The following MYO1D variants were observed in gnomAD, a reference collection of about 807,000 sequenced individuals.
The protein encoded by MYO1D is unconventional myosin-Id.
A neutral mutation model predicts 122.0 loss-of-function variants in MYO1D; 83 were observed. That is an observed-to-expected ratio of 0.68 (90% CI 0.57 to 0.82). The LOEUF (loss-of-function observed/expected upper bound fraction) is 0.82. Among genes scored for constraint, MYO1D ranks in the 40% least tolerant of loss-of-function variants. The pLI, the probability that MYO1D is intolerant of heterozygous loss-of-function variation, is 0.00. For missense variants in MYO1D, 1,157 were observed against 1,269.5 expected (o/e 0.91, Z 1.35); for synonymous variants, 464 against 446.9 (o/e 1.04, Z -0.48).
intron 21 of MYO1D, among the ~76,000 whole-genome samples, chr17:32,547,393 T>G (rs1284562812): frequency 6.6e-6 from 1 of 152,254 alleles, no homozygotes; most frequent in Non-Finnish European, 1.5e-5. Flanking sequence ...ACAGGTATTT[T>G]TATCCCAGTT....
At chr17:32,876,659 C>A (rs2091234647) in intron 1 of MYO1D, 119 bp downstream of exon 1, 3 of 743,148 alleles carry the variant, frequency 4.0e-6, no homozygotes, top group Non-Finnish European at 6.0e-6. Flanking sequence ...GCAGCCCGGC[C>A]GCGCCTCCAT....
intron 20 of MYO1D, among the ~76,000 whole-genome samples, chr17:32,615,534 T>C (rs1333446230): frequency 6.6e-6 from 1 of 152,118 alleles, no homozygotes; most frequent in African/African-American, 2.4e-5. Flanking sequence ...TCATGTAAAA[T>C]TTAGAGGAAA....
intron 16 of MYO1D, among the ~76,000 whole-genome samples, chr17:32,672,330 A>T (rs2088733168): frequency 6.6e-6 from 1 of 152,240 alleles, no homozygotes; most frequent in African/African-American, 2.4e-5. Context: ...CTAATGGTAT[A>T]TAAAGCAATA....
At chr17:32,869,011 C>T (rs2091155109) in intron 1 of MYO1D, among the ~76,000 whole-genome samples, 2 of 151,010 alleles carry the variant, frequency 1.3e-5, no homozygotes, top group South Asian at 2.1e-4. Context: ...GAGTTTGAGA[C>T]CAGCCTGACC....
At chr17:32,608,500 C>G (rs1216513155) in intron 20 of MYO1D, among the ~76,000 whole-genome samples, 1 of 152,114 alleles carries the variant, frequency 6.6e-6, no homozygotes, top group Non-Finnish European at 1.5e-5. Context: ...ATACTAAATG[C>G]TGGTGAGGAC....
intron 13 of MYO1D, among the ~76,000 whole-genome samples, chr17:32,738,789 G>A (rs1425842833): frequency 6.6e-6 from 1 of 151,922 alleles, no homozygotes; most frequent in Non-Finnish European, 1.5e-5. Flanking sequence ...AAACATAAAA[G>A]TGGCAATATC....
chr17:32,820,615 T>A (rs758970373), intron 1 of MYO1D, among the ~76,000 whole-genome samples: 1 of 152,202 alleles, frequency 6.6e-6, no homozygotes, highest in Non-Finnish European at 1.5e-5. Flanking sequence ...TATGAGGTCA[T>A]AACCTCATAC....
chr17:32,564,741 A>C (rs2087157204), intron 21 of MYO1D, among the ~76,000 whole-genome samples: 1 of 152,190 alleles, frequency 6.6e-6, no homozygotes, highest in Non-Finnish European at 1.5e-5. Flanking sequence ...CCTTCCACAT[A>C]GCTGCACCTT....
At chr17:32,568,186 C>CAAAAAAAAAAAA (rs386385913) in intron 21 of MYO1D, among the ~76,000 whole-genome samples, 1 of 124,352 alleles carries the variant, frequency 8.0e-6, no homozygotes, top group Admixed American at 8.4e-5. Context: ...TGCGTTATTA[C>CAAAAAAAAAAAA]AAAAAAAAAA....
chr17:32,508,581 A>G (rs1007435245), intron 21 of MYO1D, among the ~76,000 whole-genome samples: 3 of 152,178 alleles, frequency 2.0e-5, no homozygotes, highest in African/African-American at 7.2e-5. Flanking sequence ...TGGCCAGTCT[A>G]TGGTATCTTG....
At chr17:32,793,056 G>T (rs1373288849) in intron 1 of MYO1D, among the ~76,000 whole-genome samples, 1 of 152,014 alleles carries the variant, frequency 6.6e-6, no homozygotes, top group Non-Finnish European at 1.5e-5. Flanking sequence ...GTCTTAAAAT[G>T]ATTTGGAAAA....
chr17:32,592,512 C>G lies in MYO1D; in HGVS notation c.2864+12575G>C, dbSNP rs537949419. On this transcript the variant is annotated intron_variant, in intron 21 of 21. Transcript: ENST00000318217. ...CTATGATTTCAGTTTTTACAATTAACTCTTTAGTCAATTTGGTATTTACAC... is the reference window on the plus strand; with the variant it reads ...CTATGATTTCAGTTTTTACAATTAAGTCTTTAGTCAATTTGGTATTTACAC... 2.6e-5 allele frequency among the ~76,000 whole-genome samples: 4 copies of G among 152,234 alleles called. No homozygotes were observed. In the South Asian group the frequency reaches 6.2e-4, roughly 24 times the overall value.
At chr17:32,607,367 T>C (rs1399696403) in intron 20 of MYO1D, among the ~76,000 whole-genome samples, 4 of 151,622 alleles carry the variant, frequency 2.6e-5, no homozygotes, top group African/African-American at 9.7e-5. Context: ...GAAACAAAAA[T>C]TGAAAAACAA....
At chr17:32,845,233 C>T (rs560188334) in intron 1 of MYO1D, among the ~76,000 whole-genome samples, 1 of 152,212 alleles carries the variant, frequency 6.6e-6, no homozygotes, top group East Asian at 1.9e-4. Context: ...TCAATTTTCA[C>T]TAGTAAACCT....
chr17:32,847,672 G>A (rs149688921), intron 1 of MYO1D, among the ~76,000 whole-genome samples: 62 of 152,134 alleles, frequency 4.1e-4, no homozygotes, highest in Non-Finnish European at 6.3e-4. Context: ...GCCCCATCAC[G>A]CCTGGCTAAT....
rs955619637 is a variant in MYO1D at position 32,821,569 on chromosome 17, T to C, written c.96-40785A>G. Reference sequence around the variant, plus strand: ...ACACACACACACACACACACACACATCTTTGACTGGAACTTCTCTATGGAT... The same window carrying C: ...ACACACACACACACACACACACACACCTTTGACTGGAACTTCTCTATGGAT... On this transcript the variant is annotated intron_variant, in intron 1 of 21. Transcript: ENST00000318217. Among the ~76,000 whole-genome samples the C allele has an allele frequency of 4.4e-5, 6 of 137,402 alleles. No individual in the cohort carries two copies. In the South Asian group the frequency reaches 6.5e-4, roughly 15 times the overall value. The allele number at this position is 137,402 out of a possible 152,430, so 90.1% of individuals were successfully genotyped here.
intron 21 of MYO1D, among the ~76,000 whole-genome samples, chr17:32,530,374 A>G (rs1408455899): frequency 1.3e-5 from 2 of 152,256 alleles, no homozygotes; most frequent in Non-Finnish European, 2.9e-5. Context: ...TGTAGAACAT[A>G]GGGAAATATT....
chr17:32,708,602 G>A (rs953731497), intron 16 of MYO1D, among the ~76,000 whole-genome samples: 1 of 152,070 alleles, frequency 6.6e-6, no homozygotes, highest in African/African-American at 2.4e-5. Context: ...GACCCATTCC[G>A]AAAAGCCCAG....
At chr17:32,823,390 T>C (rs974684271) in intron 1 of MYO1D, among the ~76,000 whole-genome samples, 2 of 152,184 alleles carry the variant, frequency 1.3e-5, no homozygotes, top group African/African-American at 4.8e-5. Flanking sequence ...TAAAATATTT[T>C]ACAGAGAAGG....
Sources: allele counts gnomAD v4.1 joint callset (sites outside exome capture counted in the v4.1 genomes callset), GRCh38; gene constraint gnomAD v4.1.1; transcripts MANE v1.5; gene names NCBI Gene and HGNC (gene_info 2026-07-23, HGNC 2026-07-21).